The following NPHP3 variants were observed in gnomAD, a reference collection of about 807,000 sequenced individuals.
The protein encoded by NPHP3 is nephrocystin 3.
Under a neutral mutation model 171.9 loss-of-function variants are expected in NPHP3, and 123 were observed. That is an observed-to-expected ratio of 0.72 (90% CI 0.62 to 0.83). The LOEUF is 0.83. Among genes scored for constraint, NPHP3 ranks in the 40% least tolerant of loss-of-function variants. The pLI is 0.00. For synonymous variants in NPHP3, 558 were observed against 579.2 expected (o/e 0.96, Z 0.52); for missense variants, 1,506 against 1,591.9 (o/e 0.95, Z 0.92).
chr3:132,683,217 C>T (rs1220837525), intron 25 of NPHP3, among the ~76,000 whole-genome samples, 182 bp downstream of exon 25: 1 of 152,168 alleles, frequency 6.6e-6, no homozygotes, highest in Admixed American at 6.5e-5. Context: ...GTGTTTTACA[C>T]TAAGAGGAAG....
intron 1 of NPHP3, 36 bp from the exon 2 acceptor site, chr3:132,719,866 T>G (rs751663298): frequency 6.8e-7 from 1 of 1,472,086 alleles, no homozygotes; most frequent in Admixed American, 1.8e-5. Context: ...CTAACAAAAA[T>G]AGTCTTGCTC....
chr3:132,719,908 A>G, intron 1 of NPHP3, 78 bp from the exon 2 acceptor site: 16 of 523,698 alleles, frequency 3.1e-5, no homozygotes, highest in Non-Finnish European at 4.5e-5. Context: ...ATATACATAT[A>G]TATATATATA....
intron 3 of NPHP3, 60 bp from the exon 4 acceptor site, chr3:132,716,969 T>A: frequency 6.6e-7 from 1 of 1,508,918 alleles, no homozygotes; most frequent in Non-Finnish European, 9.2e-7. Flanking sequence ...CAAAAACTCA[T>A]CACATATACC....
Position 132,716,763 on chromosome 3 carries a change from T to C in NPHP3, c.817A>G (p.Asn273Asp). The change falls in exon 4 of 27, where the codon AAT (asparagine) becomes GAT (aspartate). Residue 273 changes from asparagine (N) to aspartate (D), a missense_variant. By Grantham distance (23) the Asn-to-Asp change is conservative (BLOSUM62 1). This residue lies in a region of NPHP3 where 930 missense variants were observed against 924.9 expected (regional missense o/e 1.01). Transcript: ENST00000337331. Reference protein sequence around the residue: ...IDVEGPFANVNRDDWDIAVAS... With the variant: ...IDVEGPFANVDRDDWDIAVAS... ...GACAAACAGCATGTATTACCTCTAT[T>C]AACATTTGCAAAGGGTCCTTCCACA... is the stretch of plus-strand genomic sequence containing the variant. 6.2e-7 allele frequency: 1 copy of C among 1,614,078 alleles called. No homozygotes were observed. Among genetic ancestry groups the C allele is most frequent in the Non-Finnish European group, 8.5e-7 (1 of 1,179,990 alleles).
chr3:132,693,488 C>G (rs1008378727), intron 16 of NPHP3: 4 of 152,356 alleles, frequency 2.6e-5, no homozygotes, highest in African/African-American at 9.7e-5. Context: ...AGCCCACAGA[C>G]GTGGAGAGAA....
In NPHP3 at chr3:132,688,741, A is replaced by G. The variant is rs1939225231; in HGVS notation, c.3034T>C (p.Leu1012=). The G allele has an allele frequency of 1.9e-6, 3 of 1,614,102 alleles. No homozygotes were observed. Among genetic ancestry groups the G allele is most frequent in the South Asian group, 1.1e-5 (1 of 91,078 alleles). ...CCATAAGCATTTTCTGAGATTTCCA[A>G]CGCCTGTTTATACAGTTGTTCTGCA... ...GNAEQLYKQA[L]EISENAYGAD... is the part of the protein sequence containing the mutation. Residue 1012 remains leucine, a synonymous_variant, in exon 21 of 27, where the codon TTG becomes CTG. Transcript: ENST00000337331.
intron 25 of NPHP3, among the ~76,000 whole-genome samples, chr3:132,683,057 C>A (rs895868843): frequency 6.6e-6 from 1 of 152,138 alleles, no homozygotes; most frequent in Non-Finnish European, 1.5e-5. Flanking sequence ...TAAGCACAAA[C>A]CTGTTCCTTT....
In NPHP3 at chr3:132,710,426, C is replaced by T. The variant is rs1046842429; in HGVS notation, c.1119-2169G>A. Among the ~76,000 whole-genome samples the T allele has an allele frequency of 4.6e-5, 7 of 151,678 alleles. No homozygotes were observed. In the East Asian group the frequency reaches 9.7e-4, roughly 21 times the overall value. On this transcript the variant is annotated intron_variant, in intron 6 of 26. Coordinates refer to ENST00000337331, the MANE Select transcript of NPHP3 (RefSeq NM_153240.5). ...AGGTGACTGAATTACTATTTAGGCA[C>T]GGAAGCCTCCCCATCCCTTGAGAAA...
chr3:132,722,394 G>A lies in NPHP3; in HGVS notation c.-39C>T. The stretch of plus-strand genomic sequence containing the variant: ...GCTACTACCTAGTGAGTACCAGCAG[G>A]ACTGGGCAGCGGAACGGAACGGGAC... On this transcript the variant is annotated 5_prime_UTR_variant, in exon 1 of 27. Coordinates refer to ENST00000337331, the MANE Select transcript of NPHP3 (RefSeq NM_153240.5). 5 of 1,557,720 alleles carry A rather than the reference G, an allele frequency of 3.2e-6. No homozygotes were observed. The highest frequency in any genetic ancestry group is 4.3e-6 in the Non-Finnish European group (5 of 1,161,556).
At chr3:132,712,358 GTTAT>G (rs1403311791) in intron 6 of NPHP3, 138 of 452,934 alleles carry the variant, frequency 3.0e-4, no homozygotes, top group African/African-American at 2.0e-5. Context: ...GAAATTAGGG[GTTAT>G]CAACTTTTTC....
intron 15 of NPHP3, chr3:132,695,219 G>A: frequency 2.5e-6 from 1 of 402,228 alleles, no homozygotes; most frequent in Non-Finnish European, 4.6e-6. Context: ...TATGCATTAT[G>A]GAACATAAAA....
chr3:132,721,353 A>G (rs1363692542), intron 1 of NPHP3: 4 of 170,186 alleles, frequency 2.4e-5, no homozygotes, highest in Non-Finnish European at 2.6e-5. Context: ...CCATGGTGAG[A>G]TCAGGAGGCT....
chr3:132,709,753 T>C (rs1939860185), intron 6 of NPHP3, among the ~76,000 whole-genome samples: 3 of 152,228 alleles, frequency 2.0e-5, no homozygotes, highest in Admixed American at 2.0e-4. Context: ...ATTAGACTAC[T>C]AGCCCAAAAT....
At chr3:132,719,933 G>T in intron 1 of NPHP3, 103 bp from the exon 2 acceptor site, 1 of 454,340 alleles carries the variant, frequency 2.2e-6, no homozygotes, top group Non-Finnish European at 3.3e-6. Flanking sequence ...ACGTATCTTA[G>T]AATTTTAAGT....
At chr3:132,719,928 T>A (rs550782269) in intron 1 of NPHP3, 98 bp from the exon 2 acceptor site, 1 of 479,562 alleles carries the variant, frequency 2.1e-6, no homozygotes, top group African/African-American at 2.1e-5. Context: ...ATGTTACGTA[T>A]CTTAGAATTT....
rs764767795 is a variant in NPHP3, at chr3:132,722,328, G to A, written c.28C>T (p.Pro10Ser). The A allele has an allele frequency of 6.3e-7, 1 of 1,579,002 alleles. No individual in the cohort carries two copies. Among genetic ancestry groups the A allele is most frequent in the Non-Finnish European group, 8.5e-7 (1 of 1,171,746 alleles). The change falls in exon 1 of 27, where the codon CCC (proline) becomes TCC (serine). Residue 10 changes from proline to serine, a missense_variant. Physicochemically the swap from Pro to Ser is moderately conservative, Grantham distance 74 (BLOSUM62 -1). Around this residue, in one of 3 missense-constraint regions of NPHP3, gnomAD observed 7 missense variants for 18.9 expected, o/e 0.37. Coordinates refer to ENST00000337331, the MANE Select transcript of NPHP3 (RefSeq NM_153240.5). MGTASSLVS[P>S]AGGEVIEDTY... ...TCCTCGATCACTTCCCCGCCCGCGG[G>A]GCTCACGAGCGACGAGGCGGTCCCC...
chr3:132,717,214 TA>T, intron 3 of NPHP3: 1 of 326,386 alleles, frequency 3.1e-6, no homozygotes, highest in Non-Finnish European at 5.8e-6. Flanking sequence ...AAAAAAATTC[TA>T]AAAAACATTT....
At chr3:132,701,215 A>T (rs1939597454) in intron 10 of NPHP3, among the ~76,000 whole-genome samples, 1 of 152,236 alleles carries the variant, frequency 6.6e-6, no homozygotes, top group Non-Finnish European at 1.5e-5. Flanking sequence ...ACATAATCAT[A>T]AATGTTCATG....
intron 15 of NPHP3, chr3:132,695,293 G>T (rs754738875): frequency 4.2e-6 from 1 of 237,502 alleles, no homozygotes; most frequent in Non-Finnish European, 8.4e-6. Context: ...GCAGGGAAAC[G>T]ATGATAAGTA....
Sources: allele counts gnomAD v4.1 joint callset (sites outside exome capture counted in the v4.1 genomes callset), GRCh38; gene constraint gnomAD v4.1.1; regional missense constraint gnomAD v4.1.1; transcripts MANE v1.5; gene names NCBI Gene and HGNC (gene_info 2026-07-23, HGNC 2026-07-21).